Variants in ZFHX3 observed in about 807,000 individuals in gnomAD.
The protein encoded by ZFHX3 is zinc finger homeobox 3.
In ZFHX3, 42 loss-of-function variants were observed where a neutral mutation model predicts 279.1. That is an observed-to-expected ratio of 0.15 (90% CI 0.12 to 0.19). ZFHX3 has a LOEUF of 0.19. Ranked by LOEUF, ZFHX3 falls within the 10% of genes least tolerant of loss-of-function variation. ZFHX3 has a pLI of 1.00. For synonymous variants in ZFHX3, 2,293 were observed against 1,957.8 expected (o/e 1.17, Z -4.52); for missense variants, 4,981 against 4,754.0 (o/e 1.05, Z -1.40).
chr16:72,962,065 G>A (rs983060615), intron 1 of ZFHX3, among the ~76,000 whole-genome samples: 2 of 152,224 alleles, frequency 1.3e-5, no homozygotes, highest in African/African-American at 4.8e-5. Context: ...AAGGTTGGCA[G>A]GCCTGAAGGG....
chr16:73,694,589 G>A (rs1028777276), intron 1 of ZFHX3, among the ~76,000 whole-genome samples: 1 of 151,996 alleles, frequency 6.6e-6, no homozygotes, highest in African/African-American at 2.4e-5. Flanking sequence ...TGATCCATCC[G>A]CCTCGGCCTC....
At chr16:72,860,363 C>A (rs144431695) in intron 4 of ZFHX3, among the ~76,000 whole-genome samples, 4 of 152,190 alleles carry the variant, frequency 2.6e-5, no homozygotes, top group African/African-American at 7.2e-5. Flanking sequence ...CGCTTTCCCC[C>A]CTCTTTCCTT....
chr16:72,946,640 T>C (rs1960691687), intron 3 of ZFHX3, among the ~76,000 whole-genome samples: 1 of 152,134 alleles, frequency 6.6e-6, no homozygotes, highest in African/African-American at 2.4e-5. Flanking sequence ...TGGCTGGGAA[T>C]GCAAGATAAA....
At chr16:72,881,876 A>G (rs945328977) in intron 4 of ZFHX3, among the ~76,000 whole-genome samples, 2 of 152,164 alleles carry the variant, frequency 1.3e-5, no homozygotes, top group African/African-American at 4.8e-5. Context: ...AGCTATCCAT[A>G]TTCACTTTAG....
At chr16:73,333,693 A>G (rs16971718) in intron 3 of ZFHX3, among the ~76,000 whole-genome samples, 21,108 of 151,848 alleles carry the variant, frequency 0.14, 3,173 homozygotes, top group East Asian at 0.35. Flanking sequence ...AACCAGCAAA[A>G]GAACTGGAAA....
At chr16:73,058,144 C>T (rs1307309253) in intron 1 of ZFHX3, among the ~76,000 whole-genome samples, 1 of 145,506 alleles carries the variant, frequency 6.9e-6, no homozygotes, top group East Asian at 2.0e-4. Context: ...CCAAACTCGC[C>T]GCGCGGGCCT....
At chr16:73,099,080 G>A (rs939485273) in intron 7 of ZFHX3, 1 of 152,206 alleles carries the variant, frequency 6.6e-6, no homozygotes, top group African/African-American at 2.4e-5. Context: ...CAGTGTAAGA[G>A]CTGAAATGTG....
chr16:73,453,713 G>C (rs2018320889), intron 3 of ZFHX3, among the ~76,000 whole-genome samples: 1 of 152,202 alleles, frequency 6.6e-6, no homozygotes, highest in African/African-American at 2.4e-5. Flanking sequence ...TAAAGAAAAA[G>C]AGGTTTCATG....
chr16:73,428,675 A>C (rs1250312669), intron 3 of ZFHX3, among the ~76,000 whole-genome samples: 1 of 150,926 alleles, frequency 6.6e-6, no homozygotes. Context: ...TAAATAAATT[A>C]ATAGACAGAC....
At chr16:73,797,289 A>C (rs1009197871) in intron 1 of ZFHX3, among the ~76,000 whole-genome samples, 8 of 152,200 alleles carry the variant, frequency 5.3e-5, no homozygotes, top group African/African-American at 1.9e-4. Flanking sequence ...ATCCAAGATG[A>C]AGCAGCCAGT....
At chr16:73,584,494 A>G (rs2143829549) in intron 2 of ZFHX3, among the ~76,000 whole-genome samples, 1 of 152,366 alleles carries the variant, frequency 6.6e-6, no homozygotes, top group African/African-American at 2.4e-5. Context: ...AGAGAAAGTA[A>G]CTAGAAGTGT....
intron 2 of ZFHX3, among the ~76,000 whole-genome samples, chr16:73,519,282 T>G (rs998009175): frequency 1.3e-5 from 2 of 152,238 alleles, no homozygotes; most frequent in African/African-American, 4.8e-5. Context: ...TAAACCCATT[T>G]CTTCTTCAGT....
chr16:73,316,473 T>C (rs1172363643), intron 4 of ZFHX3, among the ~76,000 whole-genome samples: 1 of 152,184 alleles, frequency 6.6e-6, no homozygotes, highest in Non-Finnish European at 1.5e-5. Context: ...CAATGGACTG[T>C]TCCTTCTCTG....
Position 73,469,125 on chromosome 16 carries a change from T to A in ZFHX3, c.-1546-12867A>T, listed in dbSNP as rs1255593846. On this transcript the variant is annotated intron_variant, in intron 2 of 17. Transcript: ENST00000641206. The stretch of plus-strand genomic sequence containing the variant: ...GGATGCAGAGTGGGGCTCCCCAGTC[T>A]TTCCCACCACCCAGCCCCTCGACCT... Among the ~76,000 whole-genome samples the A allele has an allele frequency of 5.3e-5, 8 of 152,318 alleles. No individual in the cohort carries two copies. The East Asian group carries it at 1.5e-3, about 29-fold the overall frequency.
chr16:73,490,125 G>A (rs531338089), intron 2 of ZFHX3, among the ~76,000 whole-genome samples: 19 of 152,202 alleles, frequency 1.2e-4, no homozygotes, highest in Non-Finnish European at 1.9e-4. Context: ...TACATTTCAC[G>A]TCTTAAAGTT....
intron 2 of ZFHX3, among the ~76,000 whole-genome samples, chr16:73,606,180 TAAAAAAAAAAAA>T (rs35080897): frequency 3.7e-4 from 13 of 35,214 alleles, no homozygotes; most frequent in African/African-American, 1.6e-3. Flanking sequence ...AGGCTCCATC[TAAAAAAAAAAAA>T]AAAAAAAAAA....
chr16:73,685,937 G>A (rs1478312568), intron 1 of ZFHX3, among the ~76,000 whole-genome samples: 2 of 152,164 alleles, frequency 1.3e-5, no homozygotes, highest in Non-Finnish European at 2.9e-5. Context: ...AGTGTGGGAT[G>A]TTATTCTGTT....
intron 1 of ZFHX3, among the ~76,000 whole-genome samples, chr16:73,025,339 G>A (rs1203055441): frequency 6.6e-6 from 1 of 152,194 alleles, no homozygotes; most frequent in Non-Finnish European, 1.5e-5. Flanking sequence ...GCCCGGGAAG[G>A]GGAGGGACAC....
chr16:73,605,824 C>G lies in ZFHX3; in HGVS notation c.-1547+74356G>C, dbSNP rs535362818. On this transcript the variant is annotated intron_variant, in intron 2 of 17. Transcript: ENST00000641206. ...TGAAAGCTATCATATGGGTACTTAT[C>G]AAACCATTTAAAATGTAACCACTTA... 1.8e-4 allele frequency among the ~76,000 whole-genome samples: 28 copies of G among 152,114 alleles called. No homozygotes were observed. The South Asian group carries it at 3.8e-3, about 20-fold the overall frequency.
Sources: allele counts gnomAD v4.1 joint callset (sites outside exome capture counted in the v4.1 genomes callset), GRCh38; gene constraint gnomAD v4.1.1; transcripts MANE v1.5; gene names NCBI Gene and HGNC (gene_info 2026-07-23, HGNC 2026-07-21).